The following SLC2A13 variants were observed in gnomAD, a reference collection of about 807,000 sequenced individuals.
SLC2A13 encodes proton myo-inositol cotransporter.
A neutral mutation model predicts 64.4 loss-of-function variants in SLC2A13; 32 were observed. The observed-to-expected ratio is 0.50, with a 90% CI of 0.37 to 0.67. The LOEUF is 0.67. Ranked by LOEUF, SLC2A13 falls within the 30% of genes least tolerant of loss-of-function variation. The pLI is 0.00. For synonymous variants in SLC2A13, 338 were observed against 327.1 expected, an observed-to-expected ratio of 1.03 and a Z score of -0.36; for missense variants, 743 against 829.2, an observed-to-expected ratio of 0.90 and a Z score of 1.28.
intron 7 of SLC2A13, among the ~76,000 whole-genome samples, chr12:39,791,192 CTCAATAA>C (rs1941391015): frequency 6.6e-6 from 1 of 151,452 alleles, no homozygotes; most frequent in African/African-American, 2.4e-5. Context: ...GCTAAAAACT[CTCAATAA>C]ATTAGGTATT....
At chr12:40,097,539 A>G (rs1938992043) in intron 1 of SLC2A13, among the ~76,000 whole-genome samples, 1 of 152,202 alleles carries the variant, frequency 6.6e-6, no homozygotes, top group Non-Finnish European at 1.5e-5. Flanking sequence ...CAATAAACCA[A>G]TTAAAAATAG....
intron 3 of SLC2A13, among the ~76,000 whole-genome samples, chr12:40,027,069 G>T (rs1947823660): frequency 6.9e-6 from 1 of 144,824 alleles, no homozygotes; most frequent in East Asian, 2.0e-4. Context: ...AACAGAGTGA[G>T]ACTTCATCTC....
intron 1 of SLC2A13, among the ~76,000 whole-genome samples, chr12:40,074,550 A>G (rs1201456856): frequency 6.6e-6 from 1 of 152,056 alleles, no homozygotes; most frequent in Non-Finnish European, 1.5e-5. Context: ...CTCTGCTTAC[A>G]TTACCCATCT....
rs752953907 is a variant in SLC2A13 at position 39,951,380 on chromosome 12, AAAG to A, written c.926-18_926-16del. The A allele has an allele frequency of 1.3e-6, 2 of 1,507,152 alleles. No individual in the cohort carries two copies. The highest frequency in any genetic ancestry group is 2.4e-5 in the Admixed American group (1 of 41,134). 93.4% of individuals were successfully genotyped at this position (1,507,152 alleles called of 1,614,324 possible). ...CACAGGTCCAGCTTTTTTAAGAAAG[AAAG>A]AAAAAAAAAATACAACTATTATTTT... is the stretch of plus-strand genomic sequence containing the variant. On this transcript the variant is annotated splice_polypyrimidine_tract_variant and intron_variant, in intron 3 of 9. Coordinates refer to ENST00000280871, the MANE Select transcript of SLC2A13 (RefSeq NM_052885.4).
chr12:40,046,201 T>C (rs1434034647), intron 2 of SLC2A13, among the ~76,000 whole-genome samples: 1 of 152,214 alleles, frequency 6.6e-6, no homozygotes, highest in African/African-American at 2.4e-5. Flanking sequence ...ATGATTTGTT[T>C]GGGGTTCTTA....
At chr12:39,908,145 G>C (rs531841016) in intron 4 of SLC2A13, 1 of 152,090 alleles carries the variant, frequency 6.6e-6, no homozygotes, top group African/African-American at 2.4e-5. Context: ...GACAGAAAAA[G>C]CTGCATGATA....
At chr12:39,971,543 G>C (rs930407489) in intron 3 of SLC2A13, among the ~76,000 whole-genome samples, 1 of 152,094 alleles carries the variant, frequency 6.6e-6, no homozygotes, top group East Asian at 1.9e-4. Context: ...TGGATGAAAG[G>C]CTCTATAATA....
intron 7 of SLC2A13, among the ~76,000 whole-genome samples, chr12:39,790,571 A>G (rs1259684911): frequency 2.0e-5 from 3 of 147,418 alleles, no homozygotes; most frequent in Non-Finnish European, 4.5e-5. Context: ...ATGGCTGCAT[A>G]GTATTCCATG....
At chr12:39,886,292 G>A (rs1379825717) in intron 4 of SLC2A13, among the ~76,000 whole-genome samples, 1 of 152,092 alleles carries the variant, frequency 6.6e-6, no homozygotes, top group African/African-American at 2.4e-5. Flanking sequence ...TGACAGCGCT[G>A]TGCCCTTTGA....
At chr12:39,909,864 T>TTG (rs968944162) in intron 4 of SLC2A13, among the ~76,000 whole-genome samples, 2 of 151,910 alleles carry the variant, frequency 1.3e-5, no homozygotes, top group African/African-American at 4.8e-5. Flanking sequence ...AGTTTGTTTT[T>TTG]TTTTTTTTTT....
intron 1 of SLC2A13, among the ~76,000 whole-genome samples, chr12:40,050,268 C>T (rs1449541127): frequency 2.0e-5 from 3 of 152,102 alleles, no homozygotes; most frequent in African/African-American, 7.2e-5. Flanking sequence ...TCTCTTTAGA[C>T]AGAGATCTTT....
At chr12:39,885,895 T>A in intron 4 of SLC2A13, among the ~76,000 whole-genome samples, 1 of 152,186 alleles carries the variant, frequency 6.6e-6, no homozygotes, top group Middle Eastern at 3.2e-3. Flanking sequence ...ACGTATTTGG[T>A]TCAACAACAC....
intron 4 of SLC2A13, among the ~76,000 whole-genome samples, chr12:39,885,140 GC>G (rs1439070011): frequency 6.6e-6 from 1 of 152,338 alleles, no homozygotes; most frequent in Admixed American, 6.5e-5. Context: ...TCTGTGCACT[GC>G]AGCTCATGAG....
At chr12:39,983,060 A>G (rs1327347301) in intron 3 of SLC2A13, among the ~76,000 whole-genome samples, 2 of 150,686 alleles carry the variant, frequency 1.3e-5, no homozygotes, top group East Asian at 2.0e-4. Flanking sequence ...CAAACCTGAG[A>G]AAAACAAGCA....
intron 6 of SLC2A13, among the ~76,000 whole-genome samples, chr12:39,844,843 T>C (rs191426640): frequency 8.2e-4 from 125 of 152,204 alleles, no homozygotes; most frequent in African/African-American, 2.9e-3. Flanking sequence ...GTTTCTTAAG[T>C]AGTTAATTTT....
chr12:40,040,866 C>T (rs1205387052), intron 2 of SLC2A13, among the ~76,000 whole-genome samples: 2 of 152,166 alleles, frequency 1.3e-5, no homozygotes, highest in Admixed American at 1.3e-4. Flanking sequence ...TTTAAGAACA[C>T]ATTCTCCAGC....
intron 3 of SLC2A13, among the ~76,000 whole-genome samples, chr12:39,978,775 T>C (rs921997080): frequency 6.6e-6 from 1 of 152,070 alleles, no homozygotes; most frequent in Non-Finnish European, 1.5e-5. Flanking sequence ...CAGGCTTGCT[T>C]AGGTAAACAA....
chr12:40,007,875 T>C (rs1947452110), intron 3 of SLC2A13, among the ~76,000 whole-genome samples: 1 of 152,140 alleles, frequency 6.6e-6, no homozygotes, highest in African/African-American at 2.4e-5. Flanking sequence ...AAGGAAGATA[T>C]CGTTTACCAG....
chr12:39,773,181 C>T (rs541490790), intron 7 of SLC2A13, among the ~76,000 whole-genome samples: 75 of 152,296 alleles, frequency 4.9e-4, no homozygotes, highest in African/African-American at 1.7e-3. Flanking sequence ...GGCACCTTTT[C>T]ACCACATCCT....
Sources: gnomAD v4.1 joint callset for allele counts (sites outside exome capture counted in the v4.1 genomes callset) on GRCh38, gnomAD v4.1.1 for gene constraint, MANE v1.5 for transcripts, NCBI Gene and HGNC (gene_info 2026-07-23, HGNC 2026-07-21) for gene names.